PCDHA5: variants seen among roughly 807,000 people sequenced by gnomAD.
The protein encoded by PCDHA5 is protocadherin alpha 5.
Under a neutral mutation model 61.6 loss-of-function variants are expected in PCDHA5, and 43 were observed. The ratio of observed to expected loss-of-function variants is 0.70; its 90% CI spans 0.55 to 0.90. The LOEUF is 0.90. PCDHA5 is among the 40% of genes least tolerant of loss of function. The pLI, the probability that PCDHA5 is intolerant of heterozygous loss-of-function variation, is 0.00. For missense variants in PCDHA5, 1,298 were observed against 1,222.7 expected (o/e 1.06, Z -0.92); for synonymous variants, 627 against 543.9 (o/e 1.15, Z -2.13).
chr5:140,867,486 A>G (rs2049987159), intron 1 of PCDHA5: 1 of 152,146 alleles, frequency 6.6e-6, no homozygotes, highest in South Asian at 2.1e-4. Context: ...AAGAGTAAAT[A>G]TGAAAAAAGT....
intron 1 of PCDHA5, chr5:140,876,117 C>G: frequency 6.2e-7 from 1 of 1,613,922 alleles, no homozygotes; most frequent in East Asian, 2.2e-5. Context: ...TGATGGTAAT[C>G]GATGGCGGTA....
chr5:140,868,423 T>A (rs1554161972), intron 1 of PCDHA5: 1 of 151,106 alleles, frequency 6.6e-6, no homozygotes, highest in African/African-American at 2.4e-5. Flanking sequence ...CCCACAGAGA[T>A]GAGAATAGAT....
chr5:140,931,259 CTATT>C (rs1407255574), intron 1 of PCDHA5, among the ~76,000 whole-genome samples: 2 of 152,080 alleles, frequency 1.3e-5, no homozygotes, highest in African/African-American at 4.8e-5. Flanking sequence ...AGAAATTTCA[CTATT>C]TATTTCTTTT....
chr5:140,877,992 A>C, intron 1 of PCDHA5: 1 of 1,096,636 alleles, frequency 9.1e-7, no homozygotes, highest in South Asian at 2.1e-5. Context: ...TTGAACTTTT[A>C]TGTATTTGTC....
intron 3 of PCDHA5, among the ~76,000 whole-genome samples, chr5:141,000,399 A>ATT (rs2097917152): frequency 1.5e-5 from 1 of 66,842 alleles, no homozygotes; most frequent in Non-Finnish European, 2.7e-5. Context: ...CTCTCTCTAT[A>ATT]TATATATATA....
At chr5:140,999,620 G>A (rs184259991) in intron 3 of PCDHA5, among the ~76,000 whole-genome samples, 6 of 152,262 alleles carry the variant, frequency 3.9e-5, no homozygotes, top group African/African-American at 1.2e-4. Flanking sequence ...TATCAACCAG[G>A]AAACAAGGTA....
chr5:140,851,916 G>A, intron 1 of PCDHA5: 1 of 968,262 alleles, frequency 1.0e-6, no homozygotes, highest in Non-Finnish European at 1.2e-6. Flanking sequence ...GTCACTACAT[G>A]TTATGTTTCC....
chr5:140,983,768 T>G (rs1236827804), intron 3 of PCDHA5, among the ~76,000 whole-genome samples: 2 of 152,196 alleles, frequency 1.3e-5, no homozygotes, highest in African/African-American at 4.8e-5. Context: ...CAAATACATA[T>G]CTACATACAT....
intron 3 of PCDHA5, among the ~76,000 whole-genome samples, chr5:140,993,229 C>T (rs1396962894): frequency 6.6e-6 from 1 of 152,092 alleles, no homozygotes; most frequent in Non-Finnish European, 1.5e-5. Flanking sequence ...GGTATGTTCT[C>T]TCTGAATCTG....
chr5:140,894,253 T>C (rs1554186000), intron 1 of PCDHA5, among the ~76,000 whole-genome samples: 1 of 152,112 alleles, frequency 6.6e-6, no homozygotes, highest in Non-Finnish European at 1.5e-5. Context: ...TTCTTTTCTT[T>C]ACAAGTGGTA....
At chr5:140,835,902 T>A (rs1774035162) in intron 1 of PCDHA5, 3 of 1,612,038 alleles carry the variant, frequency 1.9e-6, no homozygotes, top group Non-Finnish European at 2.5e-6. Flanking sequence ...GCTGTCGAGC[T>A]ACGTGTCAGT....
At chr5:140,955,407 C>T (rs1453424058) in intron 1 of PCDHA5, among the ~76,000 whole-genome samples, 1 of 152,098 alleles carries the variant, frequency 6.6e-6, no homozygotes, top group African/African-American at 2.4e-5. Flanking sequence ...ATACAGTTCT[C>T]ATGATAGTGA....
chr5:140,858,506 A>C (rs1581511575), intron 1 of PCDHA5: 1 of 1,447,272 alleles, frequency 6.9e-7, no homozygotes, highest in Non-Finnish European at 9.5e-7. Context: ...CATTTTCTCA[A>C]ATATGTATCA....
chr5:140,862,480 G>A (rs1293172271), intron 1 of PCDHA5: 1 of 381,094 alleles, frequency 2.6e-6, no homozygotes, highest in East Asian at 7.1e-5. Flanking sequence ...TCTATCCATT[G>A]TTGGTAATCG....
At chr5:140,949,237 A>G (rs1239213091) in intron 1 of PCDHA5, among the ~76,000 whole-genome samples, 1 of 151,790 alleles carries the variant, frequency 6.6e-6, no homozygotes, top group South Asian at 2.1e-4. Context: ...GTGGCCCAGC[A>G]ACAGTCTATC....
At position 140,968,170 on chromosome 5, in the gene PCDHA5, C is replaced by T. The variant is rs1554230457; in HGVS notation, c.2353-10779C>T. 3 of 1,614,132 alleles carry T rather than the reference C, an allele frequency of 1.9e-6. No homozygotes were observed. In the South Asian group the frequency reaches 3.3e-5, roughly 18 times the overall value. On this transcript the variant is annotated intron_variant, in intron 1 of 3. Transcript: ENST00000529859. ...CTGACATCAATGACAATCCACCAAG[C>T]TTCCTGGAGGACTCCTATTCCATCT...
intron 1 of PCDHA5, chr5:140,834,461 A>C: frequency 6.3e-7 from 1 of 1,589,356 alleles, no homozygotes; most frequent in Non-Finnish European, 8.6e-7. Context: ...CTTGGGAGGC[A>C]GGGAGAGGCC....
At chr5:140,830,240 C>T (rs2150183319) in intron 1 of PCDHA5, 2 of 1,613,944 alleles carry the variant, frequency 1.2e-6, no homozygotes, top group Non-Finnish European at 1.7e-6. Flanking sequence ...CACGCTACTG[C>T]TGTACACAGC....
chr5:140,888,819 G>A (rs2061994549), intron 1 of PCDHA5, among the ~76,000 whole-genome samples: 1 of 151,908 alleles, frequency 6.6e-6, no homozygotes, highest in African/African-American at 2.4e-5. Context: ...TGTGATCTGT[G>A]ATCACATCAC....
Sources: allele counts gnomAD v4.1 joint callset (sites outside exome capture counted in the v4.1 genomes callset), GRCh38; gene constraint gnomAD v4.1.1; transcripts MANE v1.5; gene names NCBI Gene and HGNC (gene_info 2026-07-23, HGNC 2026-07-21).